Variants in AKR1D1 observed in about 807,000 individuals in gnomAD.
The protein encoded by AKR1D1 is aldo-keto reductase family 1 member D1, also known as delta(4)-3-ketosteroid 5-beta-reductase.
A neutral mutation model predicts 42.6 loss-of-function variants in AKR1D1; 32 were observed. The observed-to-expected ratio is 0.75, with a 90% CI of 0.57 to 1.01. The LOEUF (loss-of-function observed/expected upper bound fraction) is 1.01, where lower values mean the gene tolerates loss of function less well. AKR1D1 is among the 50% of genes least tolerant of loss of function. AKR1D1 has a pLI of 0.00. For missense variants in AKR1D1, 364 were observed against 402.2 expected (o/e 0.91, Z 0.81); for synonymous variants, 123 against 135.5 (o/e 0.91, Z 0.64).
intron 2 of AKR1D1, among the ~76,000 whole-genome samples, chr7:138,090,184 A>T (rs10954602): frequency 6.6e-6 from 1 of 151,932 alleles, no homozygotes; most frequent in Non-Finnish European, 1.5e-5. Flanking sequence ...AACACCAAAG[A>T]GACCCAGAGT....
intron 1 of AKR1D1, among the ~76,000 whole-genome samples, chr7:138,088,066 CT>C (rs1340394502): frequency 6.6e-6 from 1 of 151,864 alleles, no homozygotes; most frequent in African/African-American, 2.4e-5. Context: ...AATTACTTTA[CT>C]TTTTGTACAG....
At chr7:138,105,671 G>A (rs1027696775) in intron 5 of AKR1D1, among the ~76,000 whole-genome samples, 1 of 152,110 alleles carries the variant, frequency 6.6e-6, no homozygotes, top group Non-Finnish European at 1.5e-5. Flanking sequence ...AGGCGATCAC[G>A]AGGTCGGGAG....
rs779178404 is a variant in AKR1D1 at position 138,097,905 on chromosome 7, T to C, written c.418T>C (p.Trp140Arg). The part of the protein sequence containing the change: ...EIYPRDENGK[W>R]LYHKSNLCAT... Reference sequence around the variant, plus strand: ...ATACCCTAGAGATGAGAATGGCAAATGGTTATATCACAAGTCAAATCTGTG... The same window carrying C: ...ATACCCTAGAGATGAGAATGGCAAACGGTTATATCACAAGTCAAATCTGTG... The change falls in exon 4 of 9, where the codon TGG becomes CGG. Residue 140 changes from tryptophan (W) to arginine (R), a missense_variant. Transcript: ENST00000242375. The C allele has an allele frequency of 6.2e-7, 1 of 1,611,906 alleles. No individual in the cohort carries two copies. The highest frequency in any genetic ancestry group is 8.5e-7 in the Non-Finnish European group (1 of 1,179,132).
chr7:138,094,153 A>G (rs1794139858), intron 3 of AKR1D1, among the ~76,000 whole-genome samples: 1 of 152,230 alleles, frequency 6.6e-6, no homozygotes, highest in African/African-American at 2.4e-5. Context: ...AACTGAACCT[A>G]TAATTGGGAA....
At chr7:138,076,699 C>A in intron 1 of AKR1D1, 88 bp downstream of exon 1, 2 of 1,112,276 alleles carry the variant, frequency 1.8e-6, no homozygotes, top group Non-Finnish European at 2.7e-6. Flanking sequence ...TTAAGCAGAT[C>A]TCATTGACTT....
intron 1 of AKR1D1, among the ~76,000 whole-genome samples, chr7:138,083,447 T>C (rs1803100053): frequency 6.6e-6 from 1 of 152,194 alleles, no homozygotes; most frequent in African/African-American, 2.4e-5. Flanking sequence ...TCTTTGCTAT[T>C]GAGTTGTAGA....
intron 4 of AKR1D1, among the ~76,000 whole-genome samples, chr7:138,099,208 T>A (rs543913127): frequency 1.3e-5 from 2 of 152,176 alleles, no homozygotes; most frequent in East Asian, 3.9e-4. Context: ...CCCGACCTCA[T>A]TGGAGGGAAT....
intron 8 of AKR1D1, among the ~76,000 whole-genome samples, chr7:138,116,413 A>G (rs1050135321): frequency 7.9e-5 from 12 of 152,160 alleles, no homozygotes; most frequent in African/African-American, 2.9e-4. Flanking sequence ...CCTTCCCTCA[A>G]CACACTCACA....
chr7:138,104,315 A>G (rs1235129184), intron 4 of AKR1D1, among the ~76,000 whole-genome samples: 1 of 152,182 alleles, frequency 6.6e-6, no homozygotes, highest in African/African-American at 2.4e-5. Context: ...GTATATTTAC[A>G]TACATATATG....
intron 2 of AKR1D1, among the ~76,000 whole-genome samples, chr7:138,090,632 G>A (rs1431751636): frequency 7.6e-6 from 1 of 131,392 alleles, no homozygotes; most frequent in Non-Finnish European, 1.6e-5. Context: ...GCAAGACCCC[G>A]TCTCAAAAAA....
chr7:138,111,111 A>G (rs980616860), intron 7 of AKR1D1, among the ~76,000 whole-genome samples: 5 of 152,182 alleles, frequency 3.3e-5, no homozygotes, highest in African/African-American at 1.2e-4. Context: ...TGGAAATTGC[A>G]ATAACAACTT....
intron 2 of AKR1D1, 133 bp downstream of exon 2, chr7:138,088,901 T>G (rs889182975): frequency 1.7e-5 from 14 of 836,172 alleles, no homozygotes; most frequent in African/African-American, 1.4e-4. Context: ...AGTTTGGGTT[T>G]GTTTGTTTGT....
At chr7:138,084,180 A>C (rs1383206937) in intron 1 of AKR1D1, among the ~76,000 whole-genome samples, 4 of 151,280 alleles carry the variant, frequency 2.6e-5, no homozygotes, top group African/African-American at 9.7e-5. Flanking sequence ...TTTCCCATAA[A>C]ATGTAGTTTG....
chr7:138,082,512 C>T (rs1318361430), intron 1 of AKR1D1, among the ~76,000 whole-genome samples: 1 of 152,066 alleles, frequency 6.6e-6, no homozygotes, highest in Non-Finnish European at 1.5e-5. Context: ...GGACTACAGA[C>T]AGGTGTACAT....
Position 138,116,338 on chromosome 7 carries a change from G to A in AKR1D1, c.939-282G>A, listed in dbSNP as rs114275034. Among the ~76,000 whole-genome samples the A allele has an allele frequency of 6.1e-3, 934 of 152,284 alleles. 11 individuals are homozygous for A. The highest frequency in any genetic ancestry group is 0.021 in the African/African-American group (856 of 41,546). On this transcript the variant is annotated intron_variant, in intron 8 of 8. Coordinates refer to ENST00000242375, the MANE Select transcript of AKR1D1 (RefSeq NM_005989.4). ...GGGAAGAGGCATGTGCACATGACAT[G>A]CCTAAGACATGATTCACCACTGGGG...
At position 138,101,157 on chromosome 7, in the gene AKR1D1, C is replaced by T. The variant is rs1182028781; in HGVS notation, c.456+3214C>T. ...ATATAAGAGTGTTTTCTTTCCCTCC[C>T]TCCCTCCCTCCCTCCCTCCCTCCCT... On this transcript the variant is annotated intron_variant, in intron 4 of 8. Transcript: ENST00000242375. Among the ~76,000 whole-genome samples the T allele has an allele frequency of 8.6e-3, 540 of 62,728 alleles. 21 individuals carry two copies. Among genetic ancestry groups the T allele is most frequent in the African/African-American group, 0.035 (518 of 14,734 alleles). The allele number at this position is 62,728 out of a possible 152,430, so 41.2% of individuals were successfully genotyped here. A position where few individuals can be genotyped will look rare whatever the true frequency, so the allele number is the denominator to read the frequency against.
intron 7 of AKR1D1, among the ~76,000 whole-genome samples, chr7:138,109,031 CAG>C (rs934236179): frequency 1.3e-5 from 2 of 152,128 alleles, no homozygotes; most frequent in African/African-American, 2.4e-5. Flanking sequence ...CACACACAGA[CAG>C]ATGTTTATTA....
intron 7 of AKR1D1, among the ~76,000 whole-genome samples, chr7:138,111,068 A>T (rs534795158): frequency 6.6e-6 from 1 of 152,122 alleles, no homozygotes; most frequent in African/African-American, 2.4e-5. Flanking sequence ...CTTGTCCTAT[A>T]TATTTCAGCC....
intron 4 of AKR1D1, among the ~76,000 whole-genome samples, chr7:138,103,000 A>G (rs975326728): frequency 6.6e-6 from 1 of 152,234 alleles, no homozygotes; most frequent in African/African-American, 2.4e-5. Flanking sequence ...GATTGTAATG[A>G]TGATTTTACA....
Sources: gnomAD v4.1 joint callset for allele counts (sites outside exome capture counted in the v4.1 genomes callset) on GRCh38, gnomAD v4.1.1 for gene constraint, MANE v1.5 for transcripts, NCBI Gene and HGNC (gene_info 2026-07-23, HGNC 2026-07-21) for gene names.